The following AGBL4 variants were observed in gnomAD, a reference collection of about 807,000 sequenced individuals.
The protein encoded by AGBL4 is cytosolic carboxypeptidase 6.
Under a neutral mutation model 66.4 loss-of-function variants are expected in AGBL4, and 58 were observed. The ratio of observed to expected loss-of-function variants is 0.87; its 90% CI spans 0.71 to 1.09. The LOEUF is 1.09. Among genes scored for constraint, AGBL4 ranks in the 50% least tolerant of loss-of-function variants. AGBL4 has a pLI of 0.00. For missense variants in AGBL4, 579 were observed against 631.0 expected, an observed-to-expected ratio of 0.92 and a Z score of 0.88; for synonymous variants, 234 against 222.9, an observed-to-expected ratio of 1.05 and a Z score of -0.44.
At chr1:49,916,937 C>T (rs1363994517) in intron 1 of AGBL4, among the ~76,000 whole-genome samples, 1 of 152,170 alleles carries the variant, frequency 6.6e-6, no homozygotes, top group Non-Finnish European at 1.5e-5. Context: ...ATTCAACATT[C>T]TTAAAGAAAA....
chr1:49,982,018 G>C (rs1325549018), intron 1 of AGBL4, among the ~76,000 whole-genome samples: 1 of 152,232 alleles, frequency 6.6e-6, no homozygotes, highest in Non-Finnish European at 1.5e-5. Flanking sequence ...TAAATGTTTA[G>C]TGAATATCAC....
intron 2 of AGBL4, among the ~76,000 whole-genome samples, chr1:49,843,902 G>A (rs1646068254): frequency 6.6e-6 from 1 of 152,178 alleles, no homozygotes; most frequent in African/African-American, 2.4e-5. Flanking sequence ...TGGCTGGGTA[G>A]CAGGGCAAAA....
At chr1:48,771,895 T>A (rs1318222834) in intron 6 of AGBL4, among the ~76,000 whole-genome samples, 1 of 152,208 alleles carries the variant, frequency 6.6e-6, no homozygotes, top group Non-Finnish European at 1.5e-5. Context: ...TCTAGCTAGT[T>A]GAGGGAGTGA....
chr1:48,610,931 C>T (rs914791595), intron 9 of AGBL4, among the ~76,000 whole-genome samples: 6 of 152,242 alleles, frequency 3.9e-5, no homozygotes, highest in Non-Finnish European at 8.8e-5. Context: ...TGGTTGAGGA[C>T]AAAAAACCAT....
chr1:49,423,457 T>C (rs1339959785), intron 3 of AGBL4, among the ~76,000 whole-genome samples: 1 of 152,104 alleles, frequency 6.6e-6, no homozygotes, highest in African/African-American at 2.4e-5. Context: ...ATGAATTATG[T>C]GAGGACCCAG....
chr1:50,010,946 C>G (rs1661485803), intron 1 of AGBL4, among the ~76,000 whole-genome samples: 1 of 151,988 alleles, frequency 6.6e-6, no homozygotes, highest in African/African-American at 2.4e-5. Flanking sequence ...AGCTCAGCAA[C>G]CAAAGCAAAA....
chr1:49,313,248 C>T (rs1644974600), intron 3 of AGBL4, among the ~76,000 whole-genome samples: 1 of 152,076 alleles, frequency 6.6e-6, no homozygotes, highest in Admixed American at 6.6e-5. Context: ...TGTATATGTG[C>T]CACATTTTCT....
At chr1:49,087,491 A>C (rs1644929253) in intron 4 of AGBL4, among the ~76,000 whole-genome samples, 1 of 152,248 alleles carries the variant, frequency 6.6e-6, no homozygotes, top group Non-Finnish European at 1.5e-5. Flanking sequence ...AGAATCTTAG[A>C]GCTCAAAGAC....
intron 4 of AGBL4, among the ~76,000 whole-genome samples, chr1:49,178,793 A>T (rs932724589): frequency 6.6e-6 from 1 of 152,168 alleles, no homozygotes; most frequent in African/African-American, 2.4e-5. Context: ...AAACAGAGTG[A>T]ATGCTCTGTG....
At chr1:50,014,334 G>A (rs1661775529) in intron 1 of AGBL4, among the ~76,000 whole-genome samples, 1 of 150,936 alleles carries the variant, frequency 6.6e-6, no homozygotes, top group African/African-American at 2.4e-5. Flanking sequence ...TCACACTACT[G>A]CACTCCAGCC....
chr1:49,584,211 A>C (rs1242946942), intron 3 of AGBL4, among the ~76,000 whole-genome samples: 1 of 152,178 alleles, frequency 6.6e-6, no homozygotes, highest in Non-Finnish European at 1.5e-5. Context: ...AATGCTTTTT[A>C]TCAGGGCAGG....
chr1:48,662,076 T>C (rs1037541018), intron 7 of AGBL4, among the ~76,000 whole-genome samples: 3 of 152,202 alleles, frequency 2.0e-5, no homozygotes, highest in Non-Finnish European at 4.4e-5. Flanking sequence ...AGGAAGGCAA[T>C]CGTGCCTAAC....
intron 3 of AGBL4, among the ~76,000 whole-genome samples, chr1:49,267,359 T>TATTA (rs1396456685): frequency 6.6e-6 from 1 of 152,144 alleles, no homozygotes; most frequent in Non-Finnish European, 1.5e-5. Context: ...AGAGTGTATG[T>TATTA]ATTAGTCTGT....
intron 3 of AGBL4, among the ~76,000 whole-genome samples, chr1:49,502,481 C>CTTGT (rs879369650): frequency 6.6e-6 from 1 of 151,892 alleles, no homozygotes; most frequent in Non-Finnish European, 1.5e-5. Context: ...CAAAAACAGG[C>CTTGT]AGAAGTTGAA....
chr1:49,200,663 A>G (rs965857592), intron 4 of AGBL4, among the ~76,000 whole-genome samples: 11 of 152,144 alleles, frequency 7.2e-5, no homozygotes, highest in African/African-American at 2.7e-4. Context: ...ATTTATTATA[A>G]CGGGTGTTAC....
chr1:49,473,588 T>C (rs1646789912), intron 3 of AGBL4, among the ~76,000 whole-genome samples: 1 of 152,210 alleles, frequency 6.6e-6, no homozygotes, highest in Non-Finnish European at 1.5e-5. Flanking sequence ...AGGTTGTCTG[T>C]TTGCTCTCTT....
At chr1:48,720,872 A>G (rs1226254414) in intron 6 of AGBL4, among the ~76,000 whole-genome samples, 3 of 152,054 alleles carry the variant, frequency 2.0e-5, no homozygotes, top group African/African-American at 7.2e-5. Flanking sequence ...TTGGAAAACT[A>G]GAGAAGGGAG....
At chr1:49,809,156 C>A (rs1457019821) in intron 2 of AGBL4, among the ~76,000 whole-genome samples, 1 of 152,040 alleles carries the variant, frequency 6.6e-6, no homozygotes, top group Admixed American at 6.6e-5. Flanking sequence ...CATCCAATTA[C>A]ATTTTTTTTT....
chr1:48,848,572 T>G (rs2148805899), intron 6 of AGBL4, among the ~76,000 whole-genome samples: 1 of 152,306 alleles, frequency 6.6e-6, no homozygotes, highest in Non-Finnish European at 1.5e-5. Flanking sequence ...ATACAACATT[T>G]TTTTTTCCGA....
Sources: gnomAD v4.1 joint callset for allele counts (sites outside exome capture counted in the v4.1 genomes callset) on GRCh38, gnomAD v4.1.1 for gene constraint, MANE v1.5 for transcripts, NCBI Gene and HGNC (gene_info 2026-07-23, HGNC 2026-07-21) for gene names.